Variants in AIFM3 observed in about 807,000 individuals in gnomAD.
AIFM3 encodes AIF family member 3, also known as apoptosis-inducing factor 3.
Under a neutral mutation model 82.7 loss-of-function variants are expected in AIFM3, and 71 were observed. The ratio of observed to expected loss-of-function variants is 0.86; its 90% CI spans 0.71 to 1.05. The LOEUF (loss-of-function observed/expected upper bound fraction) is 1.05. Among genes scored for constraint, AIFM3 ranks in the 50% least tolerant of loss-of-function variants. The pLI is 0.00. For missense variants in AIFM3, 748 were observed against 816.7 expected, an observed-to-expected ratio of 0.92 and a Z score of 1.03; for synonymous variants, 337 against 329.1, an observed-to-expected ratio of 1.02 and a Z score of -0.26.
At chr22:20,978,922 C>G (rs1463674914) in intron 16 of AIFM3, among the ~76,000 whole-genome samples, 1 of 151,948 alleles carries the variant, frequency 6.6e-6, no homozygotes, top group Non-Finnish European at 1.5e-5. Flanking sequence ...TGTACTTGTG[C>G]CCCATTTTCC....
At chr22:20,969,499 G>C (rs8140137) in intron 2 of AIFM3, among the ~76,000 whole-genome samples, 3 of 151,772 alleles carry the variant, frequency 2.0e-5, no homozygotes, top group Non-Finnish European at 4.4e-5. Flanking sequence ...GCGTGATCTC[G>C]GCTCACTGCA....
intron 2 of AIFM3, among the ~76,000 whole-genome samples, chr22:20,969,543 C>T (rs1278735694): frequency 8.5e-5 from 13 of 152,150 alleles, no homozygotes; most frequent in Non-Finnish European, 1.8e-4. Context: ...CATTCTCCTG[C>T]CTCAGCCTCC....
intron 19 of AIFM3, 47 bp from the exon 20 acceptor site, chr22:20,980,700 C>T: frequency 1.2e-6 from 2 of 1,613,616 alleles, no homozygotes; most frequent in Non-Finnish European, 1.7e-6. Context: ...AAATGACATG[C>T]TCTCTCCTTG....
rs1923590926 is a variant in AIFM3 at position 20,975,635 on chromosome 22, G to A, written c.721-57G>A. 17 of 1,572,434 alleles carry A rather than the reference G, an allele frequency of 1.1e-5. No individual in the cohort carries two copies. The South Asian group carries it at 1.5e-4, about 14-fold the overall frequency. On this transcript the variant is annotated intron_variant, in intron 8 of 20. Transcript: ENST00000440238. The stretch of plus-strand genomic sequence containing the variant: ...GACTGGGGCTGGCCCCACCTTCCCT[G>A]GGCCCCAGTGTCTTCTGCTGTAAAC...
chr22:20,969,159 G>A (rs184509088), intron 2 of AIFM3, among the ~76,000 whole-genome samples: 7 of 152,330 alleles, frequency 4.6e-5, no homozygotes, highest in Admixed American at 2.0e-4. Context: ...CCGCTGGGCT[G>A]GCAGGAGGCC....
chr22:20,972,452 T>G (rs1187570857), intron 2 of AIFM3, among the ~76,000 whole-genome samples: 1 of 151,716 alleles, frequency 6.6e-6, no homozygotes, highest in African/African-American at 2.4e-5. Flanking sequence ...AATTATGCTG[T>G]GTACATTTTT....
chr22:20,979,908 T>C lies in AIFM3; in HGVS notation c.1653-112T>C, dbSNP rs1923975147. 2.6e-5 allele frequency: 30 copies of C among 1,166,728 alleles called. 2 individuals carry two copies. In the South Asian group the frequency reaches 4.2e-4, roughly 16 times the overall value. 72.3% of individuals were successfully genotyped at this position (1,166,728 alleles called of 1,614,324 possible). Reference sequence around the variant, plus strand: ...GGGCTGGGTGCTCAGGCCATTCTTGTTGCCCTGGGGTAGGTCCTTCCCTGG... The same window carrying C: ...GGGCTGGGTGCTCAGGCCATTCTTGCTGCCCTGGGGTAGGTCCTTCCCTGG... On this transcript the variant is annotated intron_variant, in intron 18 of 20. Transcript: ENST00000440238.
chr22:20,969,046 C>T (rs1923103405), intron 2 of AIFM3, among the ~76,000 whole-genome samples: 1 of 152,208 alleles, frequency 6.6e-6, no homozygotes, highest in Non-Finnish European at 1.5e-5. Flanking sequence ...TGGGCTGGAT[C>T]CCTCTCTGCC....
intron 2 of AIFM3, among the ~76,000 whole-genome samples, chr22:20,968,911 G>A (rs1923091564): frequency 6.6e-6 from 1 of 152,070 alleles, no homozygotes; most frequent in Non-Finnish European, 1.5e-5. Context: ...CCCTTTCCTG[G>A]GTCTAAGGGA....
Position 20,973,388 on chromosome 22 carries a change from G to A in AIFM3, c.113G>A (p.Arg38Gln), listed in dbSNP as rs557305212. The A allele has an allele frequency of 5.6e-6, 9 of 1,610,928 alleles. No homozygotes were observed. The highest frequency in any genetic ancestry group is 2.2e-5 in the East Asian group (1 of 44,740). ...ELSASGKGSP[R>Q]AYQGNGTARH... ...TCGGCCAGTGGGAAGGGCAGCCCCC[G>A]GGCCTACCAGGGCAATGGCACGGCC... The change falls in exon 3 of 21, where the codon CGG becomes CAG. Residue 38 changes from arginine to glutamine, a missense_variant. This residue lies in a region of AIFM3 where 148 missense variants were observed against 134.1 expected (regional missense o/e 1.10). Coordinates refer to ENST00000440238, the MANE Select transcript of AIFM3 (RefSeq NM_001386814.1).
At chr22:20,976,136 G>T in intron 9 of AIFM3, 79 bp from the exon 10 acceptor site, 1 of 1,481,136 alleles carries the variant, frequency 6.8e-7, no homozygotes, top group Non-Finnish European at 9.3e-7. Context: ...TGGGCTGTGG[G>T]TGTACTGCAG....
intron 2 of AIFM3, among the ~76,000 whole-genome samples, chr22:20,972,766 G>A (rs1410914538): frequency 6.6e-6 from 1 of 152,046 alleles, no homozygotes; most frequent in Non-Finnish European, 1.5e-5. Flanking sequence ...AAAAGGAGGC[G>A]GGGTGTGGTA....
intron 14 of AIFM3, 22 bp downstream of exon 14, chr22:20,977,117 CAG>C: frequency 6.2e-7 from 1 of 1,613,676 alleles, no homozygotes. Flanking sequence ...TGTGGGCAGG[CAG>C]GCACAAAGCA....
At position 20,979,377 on chromosome 22, in the gene AIFM3, C is replaced by A. The variant is rs768356394; in HGVS notation, c.1576+8C>A. On this transcript the variant is annotated splice_region_variant and intron_variant, in intron 17 of 20. Coordinates refer to ENST00000440238, the MANE Select transcript of AIFM3 (RefSeq NM_001386814.1). ...AGAGCCTGCGCTACGCGGGTAACCC[C>A]GGGGCCTCGGATGGGGGCGGGGCCG... 23 of 1,160,270 alleles carry A rather than the reference C, an allele frequency of 2.0e-5. No individual in the cohort carries two copies. The highest frequency in any genetic ancestry group is 1.5e-4 in the Admixed American group (5 of 32,294). The allele number at this position is 1,160,270 out of a possible 1,614,324, so 71.9% of individuals were successfully genotyped here.
At chr22:20,968,411 CCT>C (rs1287080466) in intron 2 of AIFM3, among the ~76,000 whole-genome samples, 1 of 152,146 alleles carries the variant, frequency 6.6e-6, no homozygotes, top group East Asian at 1.9e-4. Context: ...GCCTGGCCAC[CCT>C]GACCTCTTAG....
Position 20,967,864 on chromosome 22 carries a change from C to T in AIFM3, c.-81C>T, listed in dbSNP as rs765657412. On this transcript the variant is annotated 5_prime_UTR_variant, in exon 2 of 21. Transcript: ENST00000440238. ...GCGTCTCTAAGGCCTGCAGGGGGTC[C>T]AGCCCCATGGGGGGCGCCCTAGGCC... The T allele has an allele frequency of 6.6e-7, 1 of 1,524,986 alleles. No individual in the cohort carries two copies. Among genetic ancestry groups the T allele is most frequent in the African/African-American group, 1.4e-5 (1 of 73,222 alleles). The allele number at this position is 1,524,986 out of a possible 1,614,324, so 94.5% of individuals were successfully genotyped here.
chr22:20,979,514 A>G (rs1923941893), intron 17 of AIFM3, 113 bp from the exon 18 acceptor site: 1 of 1,484,742 alleles, frequency 6.7e-7, no homozygotes, highest in Non-Finnish European at 9.3e-7. Flanking sequence ...AAGGCTACGA[A>G]CTACCTAAAA....
chr22:20,979,520 T>TAA, intron 17 of AIFM3, 107 bp from the exon 18 acceptor site: 1 of 1,492,558 alleles, frequency 6.7e-7, no homozygotes, highest in Non-Finnish European at 9.3e-7. Context: ...ACGAACTACC[T>TAA]AAAAGGACGT....
rs1372325532 is a variant in AIFM3, at chr22:20,976,085, G to A, written c.808-130G>A. ...GAAGCGTAAAGAATGAAGCCCAGGT[G>A]GCAGGATCTGTTTTAATGGGAGCTT... On this transcript the variant is annotated intron_variant, in intron 9 of 20. Coordinates refer to ENST00000440238, the MANE Select transcript of AIFM3 (RefSeq NM_001386814.1). The A allele has an allele frequency of 3.9e-5, 39 of 1,008,622 alleles. No individual in the cohort carries two copies. In the East Asian group the frequency reaches 7.2e-4, roughly 19 times the overall value. 62.5% of individuals were successfully genotyped at this position (1,008,622 alleles called of 1,614,324 possible). A position where few individuals can be genotyped will look rare whatever the true frequency, so the allele number is the denominator to read the frequency against.
Sources: gnomAD v4.1 joint callset for allele counts (sites outside exome capture counted in the v4.1 genomes callset) on GRCh38, gnomAD v4.1.1 for gene constraint, gnomAD v4.1.1 regional missense constraint, MANE v1.5 for transcripts, NCBI Gene and HGNC (gene_info 2026-07-23, HGNC 2026-07-21) for gene names.